Variants in FOXP1 observed in about 807,000 individuals in gnomAD.
FOXP1 encodes forkhead box protein P1.
FOXP1 carries 15 observed loss-of-function variants against 98.2 expected under a neutral mutation model. The ratio of observed to expected loss-of-function variants is 0.15; its 90% CI spans 0.10 to 0.24. FOXP1 has a LOEUF of 0.24. Among genes scored for constraint, FOXP1 ranks in the 10% least tolerant of loss-of-function variants. The probability of loss-of-function intolerance (pLI) is 1.00; values close to 1 mark genes in which losing one functional copy is unlikely to be tolerated. For synonymous variants in FOXP1, 371 were observed against 314.5 expected (o/e 1.18, Z -1.90); for missense variants, 633 against 848.5 (o/e 0.75, Z 3.15).
At chr3:71,123,405 T>C (rs1427119083) in intron 6 of FOXP1, among the ~76,000 whole-genome samples, 3 of 152,256 alleles carry the variant, frequency 2.0e-5, no homozygotes, top group Non-Finnish European at 4.4e-5. Context: ...TCTTGGAATA[T>C]TGATGTTGTC....
intron 4 of FOXP1, among the ~76,000 whole-genome samples, chr3:71,300,910 C>G (rs905405654): frequency 6.6e-6 from 1 of 152,174 alleles, no homozygotes; most frequent in African/African-American, 2.4e-5. Context: ...TGTGGAAAGG[C>G]AAACATCATT....
intron 4 of FOXP1, among the ~76,000 whole-genome samples, chr3:71,304,223 C>A (rs553431772): frequency 1.3e-5 from 2 of 152,200 alleles, no homozygotes; most frequent in African/African-American, 2.4e-5. Flanking sequence ...GGCAGCCCCC[C>A]ACTCACTCCA....
At chr3:71,542,093 G>A (rs1362640319) in intron 2 of FOXP1, 1 of 518,084 alleles carries the variant, frequency 1.9e-6, no homozygotes, top group Non-Finnish European at 3.9e-6. Context: ...TCAAAATCAT[G>A]AGGTTTAAGC....
intron 5 of FOXP1, among the ~76,000 whole-genome samples, chr3:71,240,011 G>A (rs1379927197): frequency 6.6e-6 from 1 of 152,222 alleles, no homozygotes; most frequent in East Asian, 1.9e-4. Context: ...CTTTGGGTCA[G>A]GGGATGGAGA....
At chr3:70,960,956 C>T (rs1433175337) in intron 20 of FOXP1, among the ~76,000 whole-genome samples, 1 of 151,258 alleles carries the variant, frequency 6.6e-6, no homozygotes, top group Non-Finnish European at 1.5e-5. Context: ...ATTCTCCTGC[C>T]TCAGCCTCCT....
intron 4 of FOXP1, among the ~76,000 whole-genome samples, chr3:71,325,299 C>T (rs1279897595): frequency 6.6e-6 from 1 of 152,102 alleles, no homozygotes; most frequent in Non-Finnish European, 1.5e-5. Flanking sequence ...GTGATTTGCC[C>T]GCCTCAGCCT....
chr3:71,387,320 T>C (rs1340747644), intron 3 of FOXP1, among the ~76,000 whole-genome samples: 2 of 152,224 alleles, frequency 1.3e-5, no homozygotes, highest in African/African-American at 4.8e-5. Flanking sequence ...AACACCAAAG[T>C]CTAAAACTGG....
rs559246026 is a variant in FOXP1, at chr3:70,958,211, A to G, written c.*1036T>C. Reference sequence around the variant, plus strand: ...ATGGTTGCTGCAAAAAAAAAAAAAGAAAAGAAAAGAAAAAAAGAAAATCCG... The same window carrying G: ...ATGGTTGCTGCAAAAAAAAAAAAAGGAAAGAAAAGAAAAAAAGAAAATCCG... On this transcript the variant is annotated 3_prime_UTR_variant, in exon 21 of 21. Transcript: ENST00000649528. 4 of 466,028 alleles carry G rather than the reference A, an allele frequency of 8.6e-6. No homozygotes were observed. In the Admixed American group the frequency reaches 9.2e-5, roughly 11 times the overall value. The allele number at this position is 466,028 out of a possible 1,614,324, so 28.9% of individuals were successfully genotyped here.
chr3:71,181,696 T>C (rs2062305053), intron 6 of FOXP1, among the ~76,000 whole-genome samples: 1 of 152,028 alleles, frequency 6.6e-6, no homozygotes, highest in Admixed American at 6.6e-5. Context: ...CCACACAGAC[T>C]GGGAAGAAAC....
rs2031597633 is a variant in FOXP1 at position 70,955,709 on chromosome 3, T to TAAAC, written c.*3534_*3537dup. On this transcript the variant is annotated 3_prime_UTR_variant, in exon 21 of 21. Coordinates refer to ENST00000649528, the MANE Select transcript of FOXP1 (RefSeq NM_001349338.3). ...TACTGCAGCAGGAGAAAACATTTTT[T>TAAAC]AAACAACATTTTTTTTTCTTTTCAA... The TAAAC allele has an allele frequency of 4.3e-6, 1 of 233,562 alleles. No homozygotes were observed. The highest frequency in any genetic ancestry group is 8.5e-6 in the Non-Finnish European group (1 of 118,010). The allele number at this position is 233,562 out of a possible 1,614,324, so 14.5% of individuals were successfully genotyped here.
intron 13 of FOXP1, among the ~76,000 whole-genome samples, chr3:70,991,990 A>G (rs1209843216): frequency 6.6e-6 from 1 of 152,160 alleles, no homozygotes; most frequent in Admixed American, 6.5e-5. Context: ...AAATTATGAA[A>G]AGAAGGTGTC....
At chr3:71,520,959 C>A (rs2042936988) in intron 2 of FOXP1, among the ~76,000 whole-genome samples, 1 of 152,022 alleles carries the variant, frequency 6.6e-6, no homozygotes, top group Non-Finnish European at 1.5e-5. Context: ...GGACATTTTC[C>A]CCTCCCACCG....
At chr3:71,218,220 T>C (rs2065089535) in intron 5 of FOXP1, among the ~76,000 whole-genome samples, 1 of 152,212 alleles carries the variant, frequency 6.6e-6, no homozygotes, top group African/African-American at 2.4e-5. Flanking sequence ...GAATTTAGAA[T>C]ATGATGTAAT....
chr3:71,023,207 A>C (rs1464407982), intron 11 of FOXP1, among the ~76,000 whole-genome samples: 1 of 152,222 alleles, frequency 6.6e-6, no homozygotes, highest in East Asian at 1.9e-4. Flanking sequence ...CTTTGTTGAC[A>C]AAAGACTTCC....
intron 3 of FOXP1, among the ~76,000 whole-genome samples, chr3:71,482,992 C>T (rs1204434619): frequency 6.6e-6 from 1 of 151,954 alleles, no homozygotes; most frequent in Non-Finnish European, 1.5e-5. Context: ...CAAGCTACCA[C>T]ATCCGGCTAA....
intron 5 of FOXP1, among the ~76,000 whole-genome samples, chr3:71,236,902 A>G (rs967568513): frequency 2.0e-5 from 3 of 151,682 alleles, no homozygotes; most frequent in African/African-American, 7.3e-5. Flanking sequence ...AGAAAAAGAA[A>G]AAAATAAAAT....
chr3:71,529,570 A>C (rs1396148660), intron 2 of FOXP1, among the ~76,000 whole-genome samples: 1 of 152,150 alleles, frequency 6.6e-6, no homozygotes, highest in Non-Finnish European at 1.5e-5. Context: ...CCAGCCTCTG[A>C]CCTCCAAGTT....
At chr3:71,409,956 G>A (rs904591756) in intron 3 of FOXP1, among the ~76,000 whole-genome samples, 1 of 152,100 alleles carries the variant, frequency 6.6e-6, no homozygotes, top group Admixed American at 6.5e-5. Context: ...TCAAGGGTGC[G>A]GTGAGCTGTG....
intron 6 of FOXP1, among the ~76,000 whole-genome samples, chr3:71,132,187 T>G (rs961341450): frequency 1.3e-5 from 2 of 152,170 alleles, no homozygotes; most frequent in African/African-American, 2.4e-5. Context: ...GCCATGAAAG[T>G]GGGCGGTCAG....
Sources: gnomAD v4.1 joint callset for allele counts (sites outside exome capture counted in the v4.1 genomes callset) on GRCh38, gnomAD v4.1.1 for gene constraint, MANE v1.5 for transcripts, NCBI Gene and HGNC (gene_info 2026-07-23, HGNC 2026-07-21) for gene names.